The following RBFOX1 variants were observed in gnomAD, a reference collection of about 807,000 sequenced individuals.
RBFOX1 encodes the protein RNA binding fox-1 homolog 1.
In RBFOX1, 8 loss-of-function variants were observed where a neutral mutation model predicts 57.7. The ratio of observed to expected loss-of-function variants is 0.14; its 90% CI spans 0.08 to 0.25. RBFOX1 has a LOEUF of 0.25. RBFOX1 is among the 10% of genes least tolerant of loss of function. The pLI is 1.00. For synonymous variants in RBFOX1, 326 were observed against 222.4 expected, an observed-to-expected ratio of 1.47 and a Z score of -4.15; for missense variants, 611 against 548.5, an observed-to-expected ratio of 1.11 and a Z score of -1.14.
chr16:6,020,344 T>C (rs947072513), intron 1 of RBFOX1, among the ~76,000 whole-genome samples: 1 of 152,000 alleles, frequency 6.6e-6, no homozygotes, highest in African/African-American at 2.4e-5. Flanking sequence ...TTGATTAGTC[T>C]CCCTGGCCGG....
At chr16:7,587,117 AT>A in intron 6 of RBFOX1, 129 bp from the exon 7 acceptor site, 9 of 1,167,208 alleles carry the variant, frequency 7.7e-6, no homozygotes, top group Non-Finnish European at 7.7e-6. Flanking sequence ...CACATTAACC[AT>A]AAAACATAAA....
At chr16:7,600,457 G>A (rs2094953123) in intron 9 of RBFOX1, among the ~76,000 whole-genome samples, 1 of 152,010 alleles carries the variant, frequency 6.6e-6, no homozygotes, top group Non-Finnish European at 1.5e-5. Flanking sequence ...AAAAATATAG[G>A]GCCCTTTCAT....
chr16:6,507,731 T>C (rs1327608482), intron 2 of RBFOX1, among the ~76,000 whole-genome samples: 2 of 151,832 alleles, frequency 1.3e-5, no homozygotes, highest in African/African-American at 4.8e-5. Flanking sequence ...AAAAGACACA[T>C]ACAGTATGAT....
intron 3 of RBFOX1, among the ~76,000 whole-genome samples, chr16:6,766,200 A>G (rs191877499): frequency 4.6e-5 from 7 of 152,278 alleles, no homozygotes; most frequent in Non-Finnish European, 8.8e-5. Context: ...GACATGAATA[A>G]GAGCCCTTCA....
chr16:5,714,960 C>T (rs1192083923), intron 3 of RBFOX1, among the ~76,000 whole-genome samples: 1 of 152,162 alleles, frequency 6.6e-6, no homozygotes, highest in Non-Finnish European at 1.5e-5. Context: ...AGTAACTATA[C>T]TTCCAGTTGT....
At chr16:7,383,682 C>T (rs545672731) in intron 4 of RBFOX1, among the ~76,000 whole-genome samples, 1 of 152,114 alleles carries the variant, frequency 6.6e-6, no homozygotes, top group South Asian at 2.1e-4. Context: ...TCCAGAATTG[C>T]CTTAAGTTCC....
chr16:6,860,589 A>T (rs1012492623), intron 3 of RBFOX1, among the ~76,000 whole-genome samples: 2 of 152,208 alleles, frequency 1.3e-5, no homozygotes, highest in African/African-American at 4.8e-5. Flanking sequence ...CACATAGAAG[A>T]TTCATTGTGG....
At chr16:6,275,855 C>T (rs778113084) in intron 1 of RBFOX1, among the ~76,000 whole-genome samples, 1 of 151,930 alleles carries the variant, frequency 6.6e-6, no homozygotes, top group Non-Finnish European at 1.5e-5. Context: ...TAATATTTAC[C>T]AAATATTTTA....
At chr16:6,379,502 G>T (rs751353306) in intron 2 of RBFOX1, among the ~76,000 whole-genome samples, 2 of 152,014 alleles carry the variant, frequency 1.3e-5, no homozygotes, top group Admixed American at 6.6e-5. Context: ...TCATAGGAGG[G>T]CATAAGAACC....
chr16:5,498,879 C>A (rs1456176494), intron 2 of RBFOX1, among the ~76,000 whole-genome samples: 1 of 152,232 alleles, frequency 6.6e-6, no homozygotes, highest in East Asian at 1.9e-4. Context: ...TCTGTAAGGC[C>A]TTTGGCCATC....
In RBFOX1 at chr16:7,391,081, A is replaced by G. The variant is rs557578413; in HGVS notation, c.28-127066A>G. Among the ~76,000 whole-genome samples the G allele has an allele frequency of 2.0e-4, 31 of 152,254 alleles. 1 individual carries two copies. Among genetic ancestry groups the G allele is most frequent in the Admixed American group, 1.8e-3 (27 of 15,300 alleles). ...CCTTCTGCTCCTAGTCCTTAAGAAC[A>G]TAGCTCTTATCCTTAACTGACCTTT... On this transcript the variant is annotated intron_variant, in intron 4 of 15. Transcript: ENST00000550418.
chr16:6,306,641 C>G (rs1031290373), intron 1 of RBFOX1, among the ~76,000 whole-genome samples: 1 of 152,220 alleles, frequency 6.6e-6, no homozygotes, highest in Non-Finnish European at 1.5e-5. Flanking sequence ...GAAGAACTCA[C>G]TGGCCGTTTC....
At chr16:6,272,095 C>T (rs2075279210) in intron 1 of RBFOX1, among the ~76,000 whole-genome samples, 1 of 152,044 alleles carries the variant, frequency 6.6e-6, no homozygotes, top group Non-Finnish European at 1.5e-5. Flanking sequence ...AATTTTATAC[C>T]TTGATCACAT....
At chr16:6,870,446 T>C (rs563371463) in intron 3 of RBFOX1, among the ~76,000 whole-genome samples, 1 of 152,334 alleles carries the variant, frequency 6.6e-6, no homozygotes, top group East Asian at 1.9e-4. Flanking sequence ...TATCTAAGGT[T>C]TTAGTTGACA....
At chr16:6,631,408 ATT>A (rs534274929) in intron 2 of RBFOX1, among the ~76,000 whole-genome samples, 5 of 147,816 alleles carry the variant, frequency 3.4e-5, no homozygotes, top group East Asian at 2.0e-4. Flanking sequence ...TATGAAACAT[ATT>A]TTTTTTTTTG....
intron 3 of RBFOX1, among the ~76,000 whole-genome samples, chr16:6,700,763 T>A (rs1006751670): frequency 5.3e-5 from 8 of 152,218 alleles, no homozygotes; most frequent in African/African-American, 1.9e-4. Context: ...ATTTCATTAC[T>A]ACATTTACCA....
chr16:6,278,076 G>A (rs2076013087), intron 1 of RBFOX1, among the ~76,000 whole-genome samples: 1 of 152,096 alleles, frequency 6.6e-6, no homozygotes, highest in Admixed American at 6.6e-5. Context: ...TAGGCCATTA[G>A]TCACTTAATT....
At chr16:5,456,737 C>A (rs771721905) in intron 1 of RBFOX1, among the ~76,000 whole-genome samples, 25 of 152,160 alleles carry the variant, frequency 1.6e-4, no homozygotes, top group Admixed American at 5.2e-4. Context: ...GAACTTTCTT[C>A]CAACTAGGAT....
chr16:7,033,992 A>G (rs1363145509), intron 3 of RBFOX1, among the ~76,000 whole-genome samples: 1 of 152,158 alleles, frequency 6.6e-6, no homozygotes, highest in Non-Finnish European at 1.5e-5. Context: ...AAAATAATAA[A>G]GGCATTTAAT....
Sources: gnomAD v4.1 joint callset for allele counts (sites outside exome capture counted in the v4.1 genomes callset) on GRCh38, gnomAD v4.1.1 for gene constraint, MANE v1.5 for transcripts, NCBI Gene and HGNC (gene_info 2026-07-23, HGNC 2026-07-21) for gene names.